Variants in CNTNAP2 observed in about 807,000 individuals in gnomAD.
CNTNAP2 encodes contactin associated protein 2.
CNTNAP2 carries 98 observed loss-of-function variants against 155.2 expected under a neutral mutation model. The ratio of observed to expected loss-of-function variants is 0.63; its 90% CI spans 0.54 to 0.75. The LOEUF is 0.75. Ranked by LOEUF, CNTNAP2 falls within the 30% of genes least tolerant of loss-of-function variation. The probability of loss-of-function intolerance (pLI) is 0.00; values close to 1 mark genes in which losing one functional copy is unlikely to be tolerated. For missense variants in CNTNAP2, 1,727 were observed against 1,688.1 expected (o/e 1.02, Z -0.40); for synonymous variants, 651 against 631.2 (o/e 1.03, Z -0.47).
chr7:146,864,529 T>C (rs1018238067), intron 3 of CNTNAP2, among the ~76,000 whole-genome samples: 1 of 152,182 alleles, frequency 6.6e-6, no homozygotes, highest in African/African-American at 2.4e-5. Flanking sequence ...GAAAAAGATA[T>C]GTTTTTACAT....
intron 1 of CNTNAP2, among the ~76,000 whole-genome samples, chr7:146,456,046 GT>G (rs1161203956): frequency 1.3e-5 from 2 of 151,950 alleles, no homozygotes; most frequent in African/African-American, 4.8e-5. Flanking sequence ...CAAGTGGAGA[GT>G]TTTTTCTTAA....
rs181581070 is a variant in CNTNAP2, at chr7:148,148,515, C to A, written c.2773+806C>A. Among the ~76,000 whole-genome samples, 245 of 152,304 alleles carry A rather than the reference C, an allele frequency of 1.6e-3. 1 individual carries two copies. Among genetic ancestry groups the A allele is most frequent in the African/African-American group, 5.6e-3 (231 of 41,564 alleles). ...TGGATGCATCATCTTAGACCCCTCT[C>A]TAGGGGGTCAATTGATCAGTGCAGT... On this transcript the variant is annotated intron_variant, in intron 17 of 23. Coordinates refer to ENST00000361727, the MANE Select transcript of CNTNAP2 (RefSeq NM_014141.6).
At chr7:146,679,511 A>AG in intron 1 of CNTNAP2, among the ~76,000 whole-genome samples, 1 of 151,608 alleles carries the variant, frequency 6.6e-6, no homozygotes, top group South Asian at 2.1e-4. Flanking sequence ...GCCCGCCAAC[A>AG]CGCCCAGCTA....
chr7:147,815,187 T>C (rs1300023388), intron 13 of CNTNAP2, among the ~76,000 whole-genome samples: 2 of 152,210 alleles, frequency 1.3e-5, no homozygotes, highest in African/African-American at 4.8e-5. Context: ...GCTTCCATAA[T>C]AAATTAGCAC....
chr7:147,786,612 AG>A (rs1797744059), intron 13 of CNTNAP2, among the ~76,000 whole-genome samples: 2 of 152,150 alleles, frequency 1.3e-5, no homozygotes, highest in Admixed American at 6.6e-5. Context: ...ACAGAGTGGG[AG>A]GGAAGACTTG....
At chr7:146,826,757 A>T (rs1258551325) in intron 2 of CNTNAP2, among the ~76,000 whole-genome samples, 1 of 151,902 alleles carries the variant, frequency 6.6e-6, no homozygotes, top group Non-Finnish European at 1.5e-5. Context: ...TTTCTCCAAG[A>T]TAATTGTTAA....
intron 3 of CNTNAP2, among the ~76,000 whole-genome samples, chr7:147,019,770 A>C (rs1798787154): frequency 6.6e-6 from 1 of 152,116 alleles, no homozygotes; most frequent in Non-Finnish European, 1.5e-5. Flanking sequence ...CAAAGCAGAA[A>C]GTACTTTGTG....
At chr7:146,929,591 ATGACTT>A (rs1362486325) in intron 3 of CNTNAP2, among the ~76,000 whole-genome samples, 1 of 152,214 alleles carries the variant, frequency 6.6e-6, no homozygotes, top group Non-Finnish European at 1.5e-5. Flanking sequence ...TGGACGGAGA[ATGACTT>A]TGACGAGTTG....
chr7:147,863,770 T>TA (rs1554442944), intron 13 of CNTNAP2, among the ~76,000 whole-genome samples: 6 of 102,104 alleles, frequency 5.9e-5, no homozygotes, highest in Non-Finnish European at 1.1e-4. Flanking sequence ...CGCTTTTTGA[T>TA]GGGGTTGTTT....
At chr7:147,114,952 T>C (rs1800956241) in intron 5 of CNTNAP2, among the ~76,000 whole-genome samples, 1 of 152,186 alleles carries the variant, frequency 6.6e-6, no homozygotes, top group Admixed American at 6.5e-5. Flanking sequence ...TGGTAATGGT[T>C]TTTCCTTTTC....
chr7:148,159,390 CATGCTTTAT>C (rs1220625577), intron 17 of CNTNAP2, among the ~76,000 whole-genome samples: 1 of 152,094 alleles, frequency 6.6e-6, no homozygotes, highest in African/African-American at 2.4e-5. Flanking sequence ...TCTTGTGTGC[CATGCTTTAT>C]ATGGGTGGCA....
intron 11 of CNTNAP2, among the ~76,000 whole-genome samples, chr7:147,536,654 C>G (rs1799545093): frequency 6.6e-6 from 1 of 152,138 alleles, no homozygotes; most frequent in East Asian, 1.9e-4. Flanking sequence ...GGAGAGGAGT[C>G]CTGGAGAGGG....
intron 21 of CNTNAP2, among the ~76,000 whole-genome samples, chr7:148,365,633 C>T (rs897848277): frequency 6.6e-6 from 1 of 151,948 alleles, no homozygotes; most frequent in East Asian, 1.9e-4. Context: ...CCATTGTACT[C>T]CAGCCTGGGC....
At chr7:146,317,576 T>G (rs1484511998) in intron 1 of CNTNAP2, among the ~76,000 whole-genome samples, 1 of 152,186 alleles carries the variant, frequency 6.6e-6, no homozygotes, top group African/African-American at 2.4e-5. Flanking sequence ...AGCTGTTCTG[T>G]TTCCATGGTT....
intron 1 of CNTNAP2, among the ~76,000 whole-genome samples, chr7:146,207,646 T>G (rs1349338550): frequency 2.6e-5 from 4 of 150,974 alleles, no homozygotes; most frequent in African/African-American, 4.8e-5. Context: ...TGTTTTTTTT[T>G]TTTTTTTTTT....
intron 1 of CNTNAP2, among the ~76,000 whole-genome samples, chr7:146,165,330 T>C (rs1472316490): frequency 6.6e-6 from 1 of 152,196 alleles, no homozygotes; most frequent in Non-Finnish European, 1.5e-5. Context: ...AATTGTATTA[T>C]GAATCAGCAA....
chr7:146,233,388 C>T (rs1430778922), intron 1 of CNTNAP2, among the ~76,000 whole-genome samples: 4 of 151,976 alleles, frequency 2.6e-5, no homozygotes, highest in Non-Finnish European at 5.9e-5. Flanking sequence ...TAAAGAACAG[C>T]CTTTGCCATG....
chr7:148,095,902 G>A (rs1803955365), intron 15 of CNTNAP2, among the ~76,000 whole-genome samples: 1 of 152,100 alleles, frequency 6.6e-6, no homozygotes, highest in African/African-American at 2.4e-5. Flanking sequence ...CTCTCTTTAA[G>A]CATGTCAACT....
chr7:147,253,856 T>C (rs1157772939), intron 8 of CNTNAP2, among the ~76,000 whole-genome samples: 1 of 152,230 alleles, frequency 6.6e-6, no homozygotes, highest in East Asian at 1.9e-4. Flanking sequence ...TGCCAAGCAC[T>C]GTGCTGACAT....
Sources: gnomAD v4.1 joint callset for allele counts (sites outside exome capture counted in the v4.1 genomes callset) on GRCh38, gnomAD v4.1.1 for gene constraint, MANE v1.5 for transcripts, NCBI Gene and HGNC (gene_info 2026-07-23, HGNC 2026-07-21) for gene names.